The following POC1A variants were observed in gnomAD, a reference collection of about 807,000 sequenced individuals.
The protein encoded by POC1A is POC1 centriolar protein A.
In POC1A, 34 loss-of-function variants were observed where a neutral mutation model predicts 47.8. The observed-to-expected ratio is 0.71, with a 90% CI of 0.54 to 0.95. POC1A has a LOEUF of 0.95. POC1A is among the 40% of genes least tolerant of loss of function. The probability of loss-of-function intolerance (pLI) is 0.00; values close to 1 mark genes in which losing one functional copy is unlikely to be tolerated. For synonymous variants in POC1A, 177 were observed against 207.6 expected (o/e 0.85, Z 1.27); for missense variants, 466 against 528.3 (o/e 0.88, Z 1.16).
At chr3:52,135,173 G>A (rs779219686) in intron 7 of POC1A, among the ~76,000 whole-genome samples, 7 of 152,114 alleles carry the variant, frequency 4.6e-5, no homozygotes, top group Non-Finnish European at 8.8e-5. Flanking sequence ...GAACATCCTC[G>A]GAACCAGTTG....
intron 10 of POC1A, 135 bp downstream of exon 10, chr3:52,096,431 CATT>C (rs1179120371): frequency 1.3e-6 from 1 of 775,326 alleles, no homozygotes; most frequent in Non-Finnish European, 2.0e-6. Flanking sequence ...TCTGCAATGT[CATT>C]AATATGGACT....
At position 52,079,306 on chromosome 3, in the gene POC1A, G is replaced by A. The variant is rs1332227334; in HGVS notation, c.1126-3321C>T. On this transcript the variant is annotated intron_variant, in intron 10 of 10. Transcript: ENST00000296484. The surrounding 1 kb of genome is among the most constrained non-coding windows in gnomAD (Gnocchi z 4.6). ...CCAACTCCCAGCGGGGCCCAGCCAA[G>A]CAGGCTGCTCTCGTCGCCTCATGCT... 6.6e-6 allele frequency among the ~76,000 whole-genome samples: 1 copy of A among 152,230 alleles called. No individual in the cohort carries two copies. The highest frequency in any genetic ancestry group is 1.5e-5 in the Non-Finnish European group (1 of 68,042).
rs1704538905 is a variant in POC1A, at chr3:52,138,053, A to G, written c.813+116T>C. The G allele has an allele frequency of 1.2e-5, 13 of 1,125,068 alleles. No homozygotes were observed. In the South Asian group the frequency reaches 1.8e-4, roughly 16 times the overall value. 69.7% of individuals were successfully genotyped at this position (1,125,068 alleles called of 1,614,324 possible). Reference sequence around the variant, plus strand: ...GCCCAGGTCACATGGAAATGCCTCCATCCATCTCCCTGCAGGCTGTGTGGG... The same window carrying G: ...GCCCAGGTCACATGGAAATGCCTCCGTCCATCTCCCTGCAGGCTGTGTGGG... On this transcript the variant is annotated intron_variant, in intron 7 of 10. Transcript: ENST00000296484.
chr3:52,135,791 T>C (rs1704434408), intron 7 of POC1A, among the ~76,000 whole-genome samples: 1 of 152,062 alleles, frequency 6.6e-6, no homozygotes, highest in Admixed American at 6.5e-5. Flanking sequence ...TGCACATCAT[T>C]AGTAAGGACC....
intron 6 of POC1A, among the ~76,000 whole-genome samples, chr3:52,141,021 C>G (rs2107171828): frequency 6.6e-6 from 1 of 152,350 alleles, no homozygotes; most frequent in South Asian, 2.1e-4. Context: ...CATACTGCCA[C>G]CTGGGTGGCA....
Position 52,079,498 on chromosome 3 carries a change from A to G in POC1A, c.1126-3513T>C, listed in dbSNP as rs531946148. Among the ~76,000 whole-genome samples the G allele has an allele frequency of 6.6e-6, 1 of 152,288 alleles. No individual in the cohort carries two copies. The highest frequency in any genetic ancestry group is 1.9e-4 in the East Asian group (1 of 5,178). Reference sequence around the variant, plus strand: ...TGGAAGCCACGACTTTCATTTATTCAAGGAAAAATGAGCGCTGACCTTCCA... The same window carrying G: ...TGGAAGCCACGACTTTCATTTATTCGAGGAAAAATGAGCGCTGACCTTCCA... On this transcript the variant is annotated intron_variant, in intron 10 of 10. Transcript: ENST00000296484. The surrounding 1 kb of genome is among the most constrained non-coding windows in gnomAD (Gnocchi z 4.6).
intron 9 of POC1A, among the ~76,000 whole-genome samples, chr3:52,108,034 A>G (rs1464567008): frequency 6.6e-6 from 1 of 152,226 alleles, no homozygotes; most frequent in Admixed American, 6.5e-5. Context: ...CTTCTGAAGA[A>G]TATTGATCAG....
At chr3:52,153,701 T>C (rs1226355303) in intron 1 of POC1A, among the ~76,000 whole-genome samples, 1 of 152,192 alleles carries the variant, frequency 6.6e-6, no homozygotes, top group Non-Finnish European at 1.5e-5. Flanking sequence ...CAGTGGTTTA[T>C]ACATGAGGGG....
chr3:52,127,699 CTTT>C (rs1270637480), intron 7 of POC1A, among the ~76,000 whole-genome samples: 1 of 141,774 alleles, frequency 7.1e-6, no homozygotes, highest in Non-Finnish European at 1.6e-5. Flanking sequence ...AGTCACAAAC[CTTT>C]TTTTTTTTTT....
intron 10 of POC1A, among the ~76,000 whole-genome samples, chr3:52,087,565 C>A (rs2106944847): frequency 6.6e-6 from 1 of 152,294 alleles, no homozygotes; most frequent in Admixed American, 6.5e-5. Context: ...TGAGGATTAG[C>A]TCTCTTCGGG....
rs1267690157 is a variant in POC1A, at chr3:52,090,656, G to A, written c.1125+5913C>T. Among the ~76,000 whole-genome samples the A allele has an allele frequency of 2.0e-5, 3 of 152,184 alleles. No homozygotes were observed. Among genetic ancestry groups the A allele is most frequent in the Admixed American group, 1.3e-4 (2 of 15,284 alleles). On this transcript the variant is annotated intron_variant, in intron 10 of 10. Coordinates refer to ENST00000296484, the MANE Select transcript of POC1A (RefSeq NM_015426.5). This position sits in a 1 kb window ranked among gnomAD's most constrained non-coding sequence, Gnocchi z 4.2. Reference sequence around the variant, plus strand: ...GAAACAGCCTCTCTCCCTGCTCACTGGAGAAGTTTTCCGGCATCTGTGAAA... The same window carrying A: ...GAAACAGCCTCTCTCCCTGCTCACTAGAGAAGTTTTCCGGCATCTGTGAAA...
intron 9 of POC1A, among the ~76,000 whole-genome samples, chr3:52,117,349 A>C (rs1306813387): frequency 6.6e-6 from 1 of 152,082 alleles, no homozygotes. Flanking sequence ...TGAGACCCTG[A>C]CTCAAAAAAA....
At chr3:52,103,122 A>G (rs1703055152) in intron 9 of POC1A, among the ~76,000 whole-genome samples, 1 of 152,248 alleles carries the variant, frequency 6.6e-6, no homozygotes, top group Non-Finnish European at 1.5e-5. Flanking sequence ...AGTATTTCCA[A>G]CAGTTGATTA....
At chr3:52,109,053 G>C (rs1703289321) in intron 9 of POC1A, among the ~76,000 whole-genome samples, 1 of 152,166 alleles carries the variant, frequency 6.6e-6, no homozygotes, top group Non-Finnish European at 1.5e-5. Context: ...CCAAGCCCAA[G>C]ACAGCTCCAG....
intron 4 of POC1A, among the ~76,000 whole-genome samples, chr3:52,148,392 T>A (rs1698438881): frequency 6.6e-6 from 1 of 152,212 alleles, no homozygotes; most frequent in South Asian, 2.1e-4. Flanking sequence ...AGAACACAGC[T>A]CAATAGTCCC....
chr3:52,147,689 C>CCACCT (rs1314140185), intron 4 of POC1A, among the ~76,000 whole-genome samples: 63 of 152,238 alleles, frequency 4.1e-4, no homozygotes, highest in Admixed American at 2.6e-3. Flanking sequence ...AAGGATCCTC[C>CCACCT]CACCTCATCC....
At chr3:52,112,305 C>T (rs1287750355) in intron 9 of POC1A, among the ~76,000 whole-genome samples, 2 of 152,116 alleles carry the variant, frequency 1.3e-5, no homozygotes, top group Non-Finnish European at 2.9e-5. Flanking sequence ...GTGCATGCCA[C>T]CAAGCCTGGC....
At position 52,149,721 on chromosome 3, in the gene POC1A, G is replaced by T. The variant is rs1240475324; in HGVS notation, c.275+95C>A. The T allele has an allele frequency of 3.3e-6, 4 of 1,208,508 alleles. No individual in the cohort carries two copies. In the African/African-American group the frequency reaches 4.6e-5, roughly 14 times the overall value. 74.9% of individuals were successfully genotyped at this position (1,208,508 alleles called of 1,614,324 possible). ...CAAAGCAGAGTAGAAGTCCCACTGT[G>T]ACCAGTCCAGAGCCAAGCTAGGGGA... On this transcript the variant is annotated intron_variant, in intron 3 of 10. Transcript: ENST00000296484.
chr3:52,085,395 C>T (rs1702427095), intron 10 of POC1A, among the ~76,000 whole-genome samples: 1 of 152,218 alleles, frequency 6.6e-6, no homozygotes, highest in Non-Finnish European at 1.5e-5. Flanking sequence ...CACCCTCTGC[C>T]TCCTCACTGC....
Sources: gnomAD v4.1 joint callset for allele counts (sites outside exome capture counted in the v4.1 genomes callset) on GRCh38, gnomAD v4.1.1 for gene constraint, Gnocchi (gnomAD v3.1) non-coding constraint, MANE v1.5 for transcripts, NCBI Gene and HGNC (gene_info 2026-07-23, HGNC 2026-07-21) for gene names.